Variants in ATRX observed in about 807,000 individuals in gnomAD.
ATRX encodes the protein chromatin remodeler ATRX.
ATRX carries 12 observed loss-of-function variants against 172.6 expected under a neutral mutation model. The observed-to-expected ratio is 0.07, with a 90% CI of 0.04 to 0.11. The LOEUF (loss-of-function observed/expected upper bound fraction) is 0.11. Ranked by LOEUF, ATRX falls within the 10% of genes least tolerant of loss-of-function variation. The pLI is 1.00. For synonymous variants in ATRX, 674 were observed against 594.7 expected (o/e 1.13, Z -1.94); for missense variants, 1,368 against 1,767.4 (o/e 0.77, Z 4.05).
intron 13 of ATRX, 112 bp from the exon 14 acceptor site, chrX:77,654,312 G>GA (rs45439398): frequency 3.3e-5 from 19 of 579,921 alleles, no homozygotes; most frequent in East Asian, 1.8e-4. Flanking sequence ...AAAACAAACA[G>GA]AAAAAAAATC....
intron 1 of ATRX, among the ~76,000 whole-genome samples, chrX:77,722,538 A>G (rs1557169763): frequency 8.9e-6 from 1 of 111,797 alleles, no homozygotes; most frequent in Non-Finnish European, 1.9e-5. Flanking sequence ...AAGGATATGA[A>G]CAGACATTTC....
At chrX:77,624,519 G>A (rs2067738486) in intron 19 of ATRX, among the ~76,000 whole-genome samples, 1 of 111,893 alleles carries the variant, frequency 8.9e-6, no homozygotes, top group South Asian at 3.7e-4. Flanking sequence ...AAAGAATTCA[G>A]CAAGGTTTCC....
chrX:77,572,506 T>G (rs980103614), intron 28 of ATRX, among the ~76,000 whole-genome samples: 3 of 111,379 alleles, frequency 2.7e-5, no homozygotes, highest in African/African-American at 9.8e-5. Flanking sequence ...GGTAATTCAC[T>G]AGTGAGTAAG....
intron 1 of ATRX, among the ~76,000 whole-genome samples, chrX:77,751,170 C>A (rs1173133771): frequency 8.9e-6 from 1 of 112,435 alleles, no homozygotes; most frequent in East Asian, 2.8e-4. Context: ...GTTCCTATTT[C>A]TCCACATCCT....
intron 22 of ATRX, among the ~76,000 whole-genome samples, chrX:77,603,677 A>G (rs917621505): frequency 1.1e-3 from 124 of 110,914 alleles, no homozygotes; most frequent in African/African-American, 4.1e-3. Flanking sequence ...TGCCTGGCCA[A>G]TAATATTAAT....
rs782494456 is a variant in ATRX at position 77,517,852 on chromosome X, C to T, written c.7200+2936G>A. Among the ~76,000 whole-genome samples, 9 of 112,047 alleles carry T rather than the reference C, an allele frequency of 8.0e-5. No homozygotes were observed. The South Asian group carries it at 3.4e-3, about 42-fold the overall frequency. ...CCAAGTGGGATTTATCCAAGGGCTT[C>T]AAGGATGATTTAACTATGCAAATCA... On this transcript the variant is annotated intron_variant, in intron 34 of 34. Transcript: ENST00000373344.
At position 77,777,191 on chromosome X, in the gene ATRX, T is replaced by TAAAAA. The variant is rs782165810; in HGVS notation, c.20+8786_20+8790dup. On this transcript the variant is annotated intron_variant, in intron 1 of 34. Coordinates refer to ENST00000373344, the MANE Select transcript of ATRX (RefSeq NM_000489.6). ...CAATGTGGTAAAACCCTGTCTCTACTAAAAAAAAAAAAAAAAAAAAAAAAA... is the reference window on the plus strand; with the variant it reads ...CAATGTGGTAAAACCCTGTCTCTACTAAAAAAAAAAAAAAAAAAAAAAAAAAAAAA... 2.7e-3 allele frequency among the ~76,000 whole-genome samples: 56 copies of TAAAAA among 21,027 alleles called. 7 individuals are homozygous for TAAAAA. The highest frequency in any genetic ancestry group is 6.0e-3 in the Admixed American group (7 of 1,163). The allele number at this position is 21,027 out of a possible 115,157, so 18.3% of individuals were successfully genotyped here. A position where few individuals can be genotyped will look rare whatever the true frequency, so the allele number is the denominator to read the frequency against.
At chrX:77,520,709 C>T (rs2063201586) in intron 34 of ATRX, 79 bp downstream of exon 34, 12 of 1,040,974 alleles carry the variant, frequency 1.2e-5, no homozygotes, top group East Asian at 6.2e-5. Flanking sequence ...TAATTACTGA[C>T]GTAGATGTCA....
intron 27 of ATRX, among the ~76,000 whole-genome samples, chrX:77,586,731 C>T (rs1250626263): frequency 2.7e-5 from 3 of 111,580 alleles, no homozygotes; most frequent in African/African-American, 9.8e-5. Context: ...AAGTTTAAAA[C>T]GCAGATATAA....
At chrX:77,599,926 G>T in intron 23 of ATRX, 106 bp from the exon 24 acceptor site, 2 of 647,064 alleles carry the variant, frequency 3.1e-6, no homozygotes, top group South Asian at 2.5e-5. Context: ...AGCTGAGGAA[G>T]GACTGAGGAA....
chrX:77,559,583 T>A (rs1218272222), intron 28 of ATRX, among the ~76,000 whole-genome samples: 3 of 105,406 alleles, frequency 2.8e-5, no homozygotes, highest in African/African-American at 1.0e-4. Flanking sequence ...CTCAGCCTCC[T>A]GAGCAGCTGG....
At chrX:77,521,134 G>A (rs2063217095) in intron 33 of ATRX, 1 of 433,586 alleles carries the variant, frequency 2.3e-6, no homozygotes, top group African/African-American at 2.5e-5. Flanking sequence ...GATTTAATTT[G>A]TACAACTGGT....
intron 1 of ATRX, among the ~76,000 whole-genome samples, chrX:77,738,530 A>G (rs1468400730): frequency 9.7e-6 from 1 of 102,844 alleles, no homozygotes; most frequent in East Asian, 3.0e-4. Flanking sequence ...AAAACTAACA[A>G]TATGTTTTTT....
At chrX:77,680,240 G>A (rs1372881712) in intron 9 of ATRX, among the ~76,000 whole-genome samples, 3 of 111,688 alleles carry the variant, frequency 2.7e-5, no homozygotes, top group Non-Finnish European at 5.6e-5. Flanking sequence ...AAGAATTTCA[G>A]GTAAGAAACT....
chrX:77,555,873 G>GA (rs2064759267), intron 30 of ATRX, among the ~76,000 whole-genome samples: 1 of 109,682 alleles, frequency 9.1e-6, no homozygotes, highest in South Asian at 4.0e-4. Flanking sequence ...AAGTAAAAAA[G>GA]AAAAAAGAAC....
chrX:77,629,934 A>G (rs1165052467), intron 19 of ATRX, among the ~76,000 whole-genome samples: 1 of 112,398 alleles, frequency 8.9e-6, no homozygotes, highest in Non-Finnish European at 1.9e-5. Context: ...ATAGACTATG[A>G]TTTTCTTAAT....
intron 1 of ATRX, among the ~76,000 whole-genome samples, chrX:77,765,128 T>C (rs782219895): frequency 1.1e-4 from 12 of 111,230 alleles, no homozygotes; most frequent in Non-Finnish European, 1.7e-4. Flanking sequence ...GATCACACCA[T>C]TGCACTCCAG....
chrX:77,583,944 G>A (rs1557075463), intron 27 of ATRX, among the ~76,000 whole-genome samples: 2 of 112,206 alleles, frequency 1.8e-5, no homozygotes, highest in African/African-American at 6.5e-5. Flanking sequence ...ATTCTGTGAA[G>A]TGGCAGGATA....
chrX:77,521,374 T>C, intron 33 of ATRX, 29 bp downstream of exon 33: 1 of 1,134,256 alleles, frequency 8.8e-7, no homozygotes, highest in Non-Finnish European at 1.2e-6. Flanking sequence ...AATTGGAGGT[T>C]GGAATAAGAC....
Sources: gnomAD v4.1 joint callset for allele counts (sites outside exome capture counted in the v4.1 genomes callset) on GRCh38, gnomAD v4.1.1 for gene constraint, MANE v1.5 for transcripts, NCBI Gene and HGNC (gene_info 2026-07-23, HGNC 2026-07-21) for gene names.